The following CMSS1 variants were observed in gnomAD, a reference collection of about 807,000 sequenced individuals.
CMSS1 encodes protein CMSS1.
In CMSS1, 33 loss-of-function variants were observed where a neutral mutation model predicts 43.5. The ratio of observed to expected loss-of-function variants is 0.76; its 90% CI spans 0.57 to 1.01. CMSS1 has a LOEUF of 1.01. Ranked by LOEUF, CMSS1 falls within the 50% of genes least tolerant of loss-of-function variation. The probability of loss-of-function intolerance (pLI) is 0.00; values close to 1 mark genes in which losing one functional copy is unlikely to be tolerated. For synonymous variants in CMSS1, 115 were observed against 117.2 expected (o/e 0.98, Z 0.12); for missense variants, 313 against 326.4 (o/e 0.96, Z 0.32).
chr3:100,134,489 C>T (rs528990098), intron 1 of CMSS1, among the ~76,000 whole-genome samples: 1 of 152,282 alleles, frequency 6.6e-6, no homozygotes, highest in Admixed American at 6.5e-5. Context: ...CGAGGATGGC[C>T]TCATCTCCAT....
chr3:100,010,138 A>G, intron 1 of CMSS1: 1 of 972,224 alleles, frequency 1.0e-6, no homozygotes, highest in South Asian at 4.8e-5. Context: ...TAGGTAAGTC[A>G]TCTGATTGGA....
chr3:100,006,521 A>T (rs1709991173), intron 1 of CMSS1, among the ~76,000 whole-genome samples: 1 of 151,972 alleles, frequency 6.6e-6, no homozygotes, highest in Non-Finnish European at 1.5e-5. Context: ...TAAAAAAAGT[A>T]TTTTTTCTAT....
At chr3:100,105,417 C>T (rs1489132472) in intron 1 of CMSS1, among the ~76,000 whole-genome samples, 1 of 152,160 alleles carries the variant, frequency 6.6e-6, no homozygotes, top group Non-Finnish European at 1.5e-5. Context: ...TTTGAATCAA[C>T]TGCAATTCGT....
intron 1 of CMSS1, among the ~76,000 whole-genome samples, chr3:99,970,374 C>T (rs1227119967): frequency 1.3e-5 from 2 of 152,214 alleles, no homozygotes; most frequent in Non-Finnish European, 2.9e-5. Flanking sequence ...AGACCAAACT[C>T]CTCTTAAGCA....
rs555566923 is a variant in CMSS1, at chr3:100,169,198, TTAAAGG to T, written c.518+1364_518+1369del. On this transcript the variant is annotated intron_variant, in intron 6 of 9. Transcript: ENST00000421999. ...GATAAATTCCAAATGGAATAAAAAC[TTAAAGG>T]TAAAGATTATGTTTTAAAGATAATT... 5.9e-5 allele frequency among the ~76,000 whole-genome samples: 9 copies of T among 152,322 alleles called. No individual in the cohort carries two copies. In the South Asian group the frequency reaches 1.0e-3, roughly 18 times the overall value.
chr3:99,995,007 T>C (rs1348370852), intron 1 of CMSS1, among the ~76,000 whole-genome samples: 1 of 152,152 alleles, frequency 6.6e-6, no homozygotes, highest in Non-Finnish European at 1.5e-5. Flanking sequence ...CCAAATCTCA[T>C]GTCCTCACAT....
At chr3:99,880,704 A>T (rs1705697291) in intron 1 of CMSS1, among the ~76,000 whole-genome samples, 1 of 152,038 alleles carries the variant, frequency 6.6e-6, no homozygotes, top group South Asian at 2.1e-4. Context: ...TTTTTATTTT[A>T]AAATTAATAG....
chr3:100,100,266 C>T (rs1449292807), intron 1 of CMSS1, among the ~76,000 whole-genome samples: 1 of 152,094 alleles, frequency 6.6e-6, no homozygotes, highest in Admixed American at 6.5e-5. Flanking sequence ...AGAGATAGAA[C>T]AGGACTTAGA....
At chr3:100,004,093 G>A (rs1709920082) in intron 1 of CMSS1, among the ~76,000 whole-genome samples, 2 of 152,068 alleles carry the variant, frequency 1.3e-5, no homozygotes, top group Non-Finnish European at 2.9e-5. Context: ...CCTTGATTCG[G>A]CCTACTGAGA....
intron 1 of CMSS1, among the ~76,000 whole-genome samples, chr3:99,927,431 G>A (rs575196331): frequency 2.7e-3 from 411 of 151,150 alleles, no homozygotes; most frequent in Non-Finnish European, 4.4e-3. Flanking sequence ...GTGCAATGGC[G>A]TGATCTCAGC....
At chr3:99,911,689 T>A (rs1284276209) in intron 1 of CMSS1, among the ~76,000 whole-genome samples, 1 of 152,238 alleles carries the variant, frequency 6.6e-6, no homozygotes, top group Admixed American at 6.5e-5. Flanking sequence ...ATTCGCTCCC[T>A]GCAGAGCTAA....
chr3:99,825,625 C>T (rs544148563), intron 1 of CMSS1, among the ~76,000 whole-genome samples: 10 of 152,134 alleles, frequency 6.6e-5, no homozygotes, highest in African/African-American at 2.4e-4. Context: ...TCAGGTAGTT[C>T]CTGCTATAAT....
intron 1 of CMSS1, among the ~76,000 whole-genome samples, chr3:99,858,342 G>C (rs537449281): frequency 6.6e-6 from 1 of 151,946 alleles, no homozygotes; most frequent in African/African-American, 2.4e-5. Context: ...GCACGTGCCT[G>C]TGGTCCCAGC....
At chr3:99,829,893 C>T (rs1434317305) in intron 1 of CMSS1, among the ~76,000 whole-genome samples, 1 of 152,200 alleles carries the variant, frequency 6.6e-6, no homozygotes, top group Non-Finnish European at 1.5e-5. Flanking sequence ...AGAATTATCA[C>T]TTTGCTTTTT....
chr3:100,061,258 A>G (rs764760915), intron 1 of CMSS1, among the ~76,000 whole-genome samples: 2 of 152,258 alleles, frequency 1.3e-5, no homozygotes, highest in South Asian at 2.1e-4. Context: ...CACACTGAGT[A>G]TGTTTGTGTA....
At chr3:99,927,714 G>T (rs1707340510) in intron 1 of CMSS1, among the ~76,000 whole-genome samples, 1 of 151,334 alleles carries the variant, frequency 6.6e-6, no homozygotes, top group Admixed American at 6.6e-5. Context: ...GAATACCTTA[G>T]GCTATTAATT....
intron 1 of CMSS1, among the ~76,000 whole-genome samples, chr3:99,827,661 A>G (rs1007936834): frequency 1.4e-4 from 22 of 152,004 alleles, no homozygotes; most frequent in African/African-American, 4.3e-4. Context: ...CTGGAGTGCA[A>G]TGGCGCAATC....
chr3:100,155,760 TTGGC>T (rs1559774814), intron 2 of CMSS1, among the ~76,000 whole-genome samples: 1 of 152,236 alleles, frequency 6.6e-6, no homozygotes, highest in African/African-American at 2.4e-5. Context: ...GATTGATACT[TTGGC>T]TGGGTATAAA....
intron 1 of CMSS1, among the ~76,000 whole-genome samples, chr3:99,952,571 C>A (rs975858925): frequency 6.6e-6 from 1 of 152,146 alleles, no homozygotes; most frequent in African/African-American, 2.4e-5. Flanking sequence ...TATTAAACTT[C>A]TGGTGCTAGA....
Sources: allele counts gnomAD v4.1 joint callset (sites outside exome capture counted in the v4.1 genomes callset), GRCh38; gene constraint gnomAD v4.1.1; transcripts MANE v1.5; gene names NCBI Gene and HGNC (gene_info 2026-07-23, HGNC 2026-07-21).